SMARCA1: variants seen among roughly 807,000 people sequenced by gnomAD.
The protein encoded by SMARCA1 is SNF2 related chromatin remodeling ATPase 1, also known as SWI/SNF-related matrix-associated actin-dependent regulator of chromatin subfamily A member 1.
In SMARCA1, 17 loss-of-function variants were observed where a neutral mutation model predicts 93.6. The observed-to-expected ratio is 0.18, with a 90% CI of 0.12 to 0.27. The LOEUF is 0.27. Among genes scored for constraint, SMARCA1 ranks in the 10% least tolerant of loss-of-function variants. The pLI is 1.00. For missense variants in SMARCA1, 630 were observed against 819.0 expected, an observed-to-expected ratio of 0.77 and a Z score of 2.82; for synonymous variants, 271 against 271.4, an observed-to-expected ratio of 1.00 and a Z score of 0.01.
rs1177181880 is a variant in SMARCA1, at chrX:129,510,655, C to T, written c.810+1149G>A. Among the ~76,000 whole-genome samples the T allele has an allele frequency of 4.2e-4, 47 of 112,148 alleles. No individual in the cohort carries two copies. In the Admixed American group the frequency reaches 4.4e-3, roughly 11 times the overall value. ...ATAGGGCAGTCATAAATTAAATATA[C>T]CGAGACATTATGAAAACACAAACCT... On this transcript the variant is annotated intron_variant, in intron 6 of 24. Coordinates refer to ENST00000371121, the MANE Select transcript of SMARCA1 (RefSeq NM_001282874.2).
At chrX:129,519,413 C>T (rs766151795) in intron 1 of SMARCA1, among the ~76,000 whole-genome samples, 1 of 112,091 alleles carries the variant, frequency 8.9e-6, no homozygotes, top group South Asian at 3.7e-4. Flanking sequence ...TTCGTGAAAA[C>T]TATCATGGCT....
chrX:129,519,200 G>A (rs775931555), intron 1 of SMARCA1, among the ~76,000 whole-genome samples: 1 of 111,525 alleles, frequency 9.0e-6, no homozygotes, highest in African/African-American at 3.2e-5. Context: ...GAGATTATCT[G>A]GGGAAGGGGG....
At chrX:129,469,913 A>C (rs1326436335) in intron 20 of SMARCA1, among the ~76,000 whole-genome samples, 4 of 111,975 alleles carry the variant, frequency 3.6e-5, no homozygotes, top group Non-Finnish European at 7.5e-5. Flanking sequence ...ATGAATATTT[A>C]AATGTTTTAT....
intron 23 of SMARCA1, among the ~76,000 whole-genome samples, chrX:129,450,408 G>A (rs1163865772): frequency 1.8e-5 from 2 of 111,953 alleles, no homozygotes; most frequent in East Asian, 2.8e-4. Context: ...AATTCCTGTT[G>A]CTTAAGCCAC....
intron 23 of SMARCA1, among the ~76,000 whole-genome samples, chrX:129,462,942 A>AT (rs1212288038): frequency 9.0e-6 from 1 of 110,756 alleles, no homozygotes; most frequent in Admixed American, 9.6e-5. Context: ...ATTATACTGG[A>AT]TTTTTTTCTT....
At chrX:129,506,294 A>T (rs1934806407) in intron 7 of SMARCA1, 83 bp from the exon 8 acceptor site, 2 of 744,561 alleles carry the variant, frequency 2.7e-6, no homozygotes, top group African/African-American at 4.1e-5. Context: ...TCCAACCAAT[A>T]TATTTTTGAC....
chrX:129,483,666 A>T (rs776187070), intron 17 of SMARCA1, among the ~76,000 whole-genome samples: 52 of 112,047 alleles, frequency 4.6e-4, no homozygotes, highest in Non-Finnish European at 7.7e-4. Context: ...TTTGAAACAA[A>T]CATTGAAGGC....
intron 17 of SMARCA1, among the ~76,000 whole-genome samples, chrX:129,486,768 C>CAGT (rs911987511): frequency 1.8e-5 from 2 of 108,276 alleles, no homozygotes; most frequent in African/African-American, 6.8e-5. Context: ...TAGTACTAAG[C>CAGT]AGTAGTAGTA....
Position 129,523,057 on chromosome X carries a change from C to T in SMARCA1, c.174+140G>A, listed in dbSNP as rs765808874. 9.0e-5 allele frequency: 61 copies of T among 675,975 alleles called. No individual in the cohort carries two copies. In the African/African-American group the frequency reaches 9.8e-4, roughly 11 times the overall value. The allele number at this position is 675,975 out of a possible 1,213,427, so 55.7% of individuals were successfully genotyped here. ...GGGGAGCGAACGCCAGGCGGTTCCGCCGCCGACCCCCGCACCCGCCGCCCC... is the reference window on the plus strand; with the variant it reads ...GGGGAGCGAACGCCAGGCGGTTCCGTCGCCGACCCCCGCACCCGCCGCCCC... On this transcript the variant is annotated intron_variant, in intron 1 of 24. Transcript: ENST00000371121.
chrX:129,522,802 C>CG (rs1468668826), intron 1 of SMARCA1, among the ~76,000 whole-genome samples: 14 of 111,664 alleles, frequency 1.3e-4, no homozygotes, highest in African/African-American at 3.9e-4. Flanking sequence ...GACGGGAAGG[C>CG]GGGGGGAGAG....
At chrX:129,462,794 T>G (rs375548573) in intron 23 of SMARCA1, among the ~76,000 whole-genome samples, 3 of 111,190 alleles carry the variant, frequency 2.7e-5, no homozygotes, top group East Asian at 2.8e-4. Flanking sequence ...ATAGTTAATA[T>G]GTGCTTTTTG....
chrX:129,462,415 AAAG>A (rs1932822135), intron 23 of SMARCA1, among the ~76,000 whole-genome samples: 1 of 111,974 alleles, frequency 8.9e-6, no homozygotes, highest in Non-Finnish European at 1.9e-5. Flanking sequence ...TGAAAGGGGG[AAAG>A]AAGATCATCA....
rs1317378571 is a variant in SMARCA1 at position 129,471,272 on chromosome X, T to C, written c.2497A>G (p.Lys833Glu). The C allele has an allele frequency of 2.5e-6, 3 of 1,200,029 alleles. No individual in the cohort carries two copies. In the African/African-American group the frequency reaches 5.3e-5, roughly 21 times the overall value. The change falls in exon 20 of 25, where the codon AAA (lysine) becomes GAA (glutamate). Residue 833 changes from lysine to glutamate, a missense_variant. Transcript: ENST00000371121. The part of the protein sequence containing the change: ...NPALAQREEQ[K>E]KIDGAEPLTP... ...AGAGGTTCAGCTCCATCAATCTTTT[T>C]TTGCTCTTCTCTTTGAGCCAGAGCT...
chrX:129,494,932 G>A (rs1164055042), intron 12 of SMARCA1, among the ~76,000 whole-genome samples: 1 of 112,438 alleles, frequency 8.9e-6, no homozygotes, highest in Non-Finnish European at 1.9e-5. Context: ...AGGTCCTCAA[G>A]TAACATCATT....
At chrX:129,476,199 G>T (rs1933376443) in intron 19 of SMARCA1, among the ~76,000 whole-genome samples, 1 of 112,183 alleles carries the variant, frequency 8.9e-6, no homozygotes, top group South Asian at 3.7e-4. Flanking sequence ...AGTCGAAAGA[G>T]CAATGCAGCT....
Position 129,504,564 on chromosome X carries a change from A to AAAAAC in SMARCA1, c.1167+169_1167+170insGTTTT, listed in dbSNP as rs1220018166. 1.6e-3 allele frequency among the ~76,000 whole-genome samples: 160 copies of AAAAAC among 97,396 alleles called. 2 individuals carry two copies. The highest frequency in any genetic ancestry group is 6.5e-3 in the African/African-American group (153 of 23,702). 84.6% of individuals were successfully genotyped at this position (97,396 alleles called of 115,157 possible). A position where few individuals can be genotyped will look rare whatever the true frequency, so the allele number is the denominator to read the frequency against. ...CATAGAGGAATAAAAAAAAAAAAAA[A>AAAAAC]AAAAAAAAAAAAAAAAACAAAGAGG... On this transcript the variant is annotated intron_variant, in intron 9 of 24. Transcript: ENST00000371121.
At chrX:129,502,590 G>A (rs1190964095) in intron 9 of SMARCA1, among the ~76,000 whole-genome samples, 2 of 111,952 alleles carry the variant, frequency 1.8e-5, no homozygotes, top group Non-Finnish European at 3.8e-5. Context: ...ATGGATTCAA[G>A]AGTAAACAGG....
At position 129,465,852 on chromosome X, in the gene SMARCA1, C is replaced by T; in HGVS notation, c.2809G>A (p.Asp937Asn). The T allele has an allele frequency of 8.7e-7, 1 of 1,142,863 alleles. No individual in the cohort carries two copies. The highest frequency in any genetic ancestry group is 2.0e-5 in the South Asian group (1 of 48,916). 94.2% of individuals were successfully genotyped at this position (1,142,863 alleles called of 1,213,427 possible). Residue 937 changes from aspartate to asparagine, a missense_variant, in exon 22 of 25, where the codon GAT (aspartate) becomes AAT (asparagine). This residue lies in a region of SMARCA1 where 93 missense variants were observed against 160.8 expected (regional missense o/e 0.58). Transcript: ENST00000371121. ...QRRISIKKALDAKIARYKAPF... is the reference protein window; with the variant it reads ...QRRISIKKALNAKIARYKAPF... ...GACATAAAACATAGTACTTTGGCAT[C>T]CAGGGCTTTCTTGATACTGATCCTT...
chrX:129,521,265 G>A (rs766883034), intron 1 of SMARCA1, among the ~76,000 whole-genome samples: 2 of 112,254 alleles, frequency 1.8e-5, no homozygotes, highest in African/African-American at 3.2e-5. Context: ...AACAACCTGC[G>A]GGATTTCAGG....
Sources: allele counts gnomAD v4.1 joint callset (sites outside exome capture counted in the v4.1 genomes callset), GRCh38; gene constraint gnomAD v4.1.1; regional missense constraint gnomAD v4.1.1; transcripts MANE v1.5; gene names NCBI Gene and HGNC (gene_info 2026-07-23, HGNC 2026-07-21).